Variants in EIF2S3 observed in about 807,000 individuals in gnomAD.
EIF2S3 encodes eukaryotic translation initiation factor 2 subunit 3.
EIF2S3 carries 2 observed loss-of-function variants against 31.7 expected under a neutral mutation model. That is an observed-to-expected ratio of 0.06 (90% CI 0.03 to 0.20). EIF2S3 has a LOEUF of 0.20. Ranked by LOEUF, EIF2S3 falls within the 10% of genes least tolerant of loss-of-function variation. The pLI is 1.00. For synonymous variants in EIF2S3, 120 were observed against 126.7 expected (o/e 0.95, Z 0.36); for missense variants, 96 against 359.3 (o/e 0.27, Z 5.92).
At chrX:24,064,724 G>A (rs1383957557) in intron 7 of EIF2S3, among the ~76,000 whole-genome samples, 1 of 111,552 alleles carries the variant, frequency 9.0e-6, no homozygotes, top group Non-Finnish European at 1.9e-5. Flanking sequence ...AGCTACTCGG[G>A]AGGCTGAGGC....
rs919176376 is a variant in EIF2S3, at chrX:24,073,117, G to C, written c.1209G>C (p.Val403=). Residue 403 remains valine, a synonymous_variant, in exon 11 of 12, where the codon GTG becomes GTC. Transcript: ENST00000253039. Reference sequence around the variant, plus strand: ...TTCAAAAGCTGTCTAAGAATGAAGTGCTCATGGTGAACATAGGATCCCTGT... The same window carrying C: ...TTCAAAAGCTGTCTAAGAATGAAGTCCTCATGGTGAACATAGGATCCCTGT... The part of the protein sequence containing the change: ...AKVQKLSKNE[V]LMVNIGSLST... The C allele has an allele frequency of 2.5e-6, 3 of 1,208,683 alleles. No individual in the cohort carries two copies. The highest frequency in any genetic ancestry group is 3.4e-6 in the Non-Finnish European group (3 of 894,860).
At chrX:24,063,052 T>C (rs1366884496) in intron 6 of EIF2S3, among the ~76,000 whole-genome samples, 1 of 111,233 alleles carries the variant, frequency 9.0e-6, no homozygotes, top group Non-Finnish European at 1.9e-5. Context: ...GAGACCAGCC[T>C]GACCAACACG....
rs939700278 is a variant in EIF2S3 at position 24,055,606 on chromosome X, T to G, written c.70-9T>G. On this transcript the variant is annotated splice_polypyrimidine_tract_variant and intron_variant, in intron 1 of 11. Coordinates refer to ENST00000253039, the MANE Select transcript of EIF2S3 (RefSeq NM_001415.4). ...TACGTGCAGTGTTTTAAAATATATT[T>G]CATTGCAGGATGTTACCAAGTTGAC... 18 of 1,207,728 alleles carry G rather than the reference T, an allele frequency of 1.5e-5. No individual in the cohort carries two copies. The highest frequency in any genetic ancestry group is 1.9e-5 in the Non-Finnish European group (17 of 893,124).
chrX:24,068,316 A>T lies in EIF2S3; in HGVS notation c.1012+208A>T, dbSNP rs1433218254. ...TAAAAATTATTTTTAAACACAAAGG[A>T]TACATTTTGATCAAATATAGAGTAA... On this transcript the variant is annotated intron_variant, in intron 9 of 11. Transcript: ENST00000253039. Among the ~76,000 whole-genome samples the T allele has an allele frequency of 2.7e-5, 3 of 112,279 alleles. No homozygotes were observed. In the East Asian group the frequency reaches 8.3e-4, roughly 31 times the overall value.
rs189562663 is a variant in EIF2S3, at chrX:24,073,222, A to G, written c.1314A>G (p.Gly438=). The change falls in exon 11 of 12, where the codon GGA becomes GGG. Residue 438 remains glycine, a synonymous_variant. Transcript: ENST00000253039. The part of the protein sequence containing the change: ...VLTNPVCTEV[G]EKIALSRRVE... Reference sequence around the variant, plus strand: ...CCAATCCAGTGTGCACAGAGGTAGGAGAAAAAATTGCCCTTAGCCGAAGAG... The same window carrying G: ...CCAATCCAGTGTGCACAGAGGTAGGGGAAAAAATTGCCCTTAGCCGAAGAG... The G allele has an allele frequency of 1.0e-4, 127 of 1,209,631 alleles. No homozygotes were observed. In the Admixed American group the frequency reaches 2.7e-3, roughly 26 times the overall value.
chrX:24,075,984 A>T (rs764753789), intron 11 of EIF2S3, among the ~76,000 whole-genome samples: 2 of 111,094 alleles, frequency 1.8e-5, no homozygotes, highest in East Asian at 5.7e-4. Context: ...GATTACAGAC[A>T]TGAGCCACCC....
At chrX:24,064,418 T>G (rs1262486264) in intron 7 of EIF2S3, 83 bp downstream of exon 7, 3 of 1,049,306 alleles carry the variant, frequency 2.9e-6, no homozygotes, top group Non-Finnish European at 3.8e-6. Flanking sequence ...TATTAATATT[T>G]CCTCTTTCTG....
intron 5 of EIF2S3, 69 bp downstream of exon 5, chrX:24,060,251 A>T (rs1930470002): frequency 2.2e-6 from 2 of 928,545 alleles, no homozygotes; most frequent in Non-Finnish European, 3.1e-6. Context: ...TTTAAAGGGG[A>T]ACTAAGGCCT....
At chrX:24,076,614 A>C in intron 11 of EIF2S3, 108 bp from the exon 12 acceptor site, 2 of 739,783 alleles carry the variant, frequency 2.7e-6, no homozygotes, top group Non-Finnish European at 4.1e-6. Context: ...GGCTTTGGGA[A>C]CAAATTTGAA....
Position 24,067,949 on chromosome X carries a change from A to G in EIF2S3, c.868-15A>G. On this transcript the variant is annotated splice_polypyrimidine_tract_variant and intron_variant, in intron 8 of 11. Transcript: ENST00000253039. ...CGTAACACAGTAATTCTAATTACTA[A>G]TTATATGTTTACAGGTGGGCCAGGA... 8.5e-7 allele frequency: 1 copy of G among 1,173,992 alleles called. No homozygotes were observed. Among genetic ancestry groups the G allele is most frequent in the South Asian group, 1.9e-5 (1 of 51,445 alleles).
intron 2 of EIF2S3, among the ~76,000 whole-genome samples, chrX:24,057,103 T>C (rs1305938934): frequency 8.9e-6 from 1 of 112,718 alleles, no homozygotes. Flanking sequence ...CGATCTCGGC[T>C]CACTGCAGCC....
chrX:24,076,926 C>CTTTTTTTTT lies in EIF2S3; in HGVS notation c.*154_*162dup, dbSNP rs879230822. On this transcript the variant is annotated 3_prime_UTR_variant, in exon 12 of 12. Coordinates refer to ENST00000253039, the MANE Select transcript of EIF2S3 (RefSeq NM_001415.4). ...TAGTAGGTAACGGTAAGGTTATTCT[C>CTTTTTTTTT]TTTTTTTTTTTTTTTTTTTTTGGTT... is the stretch of plus-strand genomic sequence containing the variant. 78 of 179,947 alleles carry CTTTTTTTTT rather than the reference C, an allele frequency of 4.3e-4. 2 individuals are homozygous for CTTTTTTTTT. Among genetic ancestry groups the CTTTTTTTTT allele is most frequent in the African/African-American group, 4.0e-3 (74 of 18,580 alleles). 14.8% of individuals were successfully genotyped at this position (179,947 alleles called of 1,213,427 possible). A position where few individuals can be genotyped will look rare whatever the true frequency, so the allele number is the denominator to read the frequency against.
intron 2 of EIF2S3, among the ~76,000 whole-genome samples, chrX:24,056,709 A>G (rs752613233): frequency 9.0e-6 from 1 of 111,123 alleles, no homozygotes; most frequent in South Asian, 3.8e-4. Context: ...AATACAAAAA[A>G]TTAGCTGTGC....
intron 6 of EIF2S3, 48 bp downstream of exon 6, chrX:24,062,622 A>G (rs1198455789): frequency 2.6e-6 from 3 of 1,140,869 alleles, no homozygotes; most frequent in Non-Finnish European, 2.4e-6. Context: ...TTTGAGAGGC[A>G]TTTACTCTGG....
At chrX:24,055,413 A>G (rs757275739) in intron 1 of EIF2S3, among the ~76,000 whole-genome samples, 42 of 111,261 alleles carry the variant, frequency 3.8e-4, no homozygotes, top group Non-Finnish European at 7.0e-4. Context: ...AGTTGAGTGG[A>G]GGTGTAGTCT....
chrX:24,076,926 CT>C lies in EIF2S3; in HGVS notation c.*162del, dbSNP rs879230822. On this transcript the variant is annotated 3_prime_UTR_variant, in exon 12 of 12. Transcript: ENST00000253039. ...TAGTAGGTAACGGTAAGGTTATTCTCTTTTTTTTTTTTTTTTTTTTTGGTTA... is the reference window on the plus strand; with the variant it reads ...TAGTAGGTAACGGTAAGGTTATTCTCTTTTTTTTTTTTTTTTTTTTGGTTA... 21,434 of 171,381 alleles carry C rather than the reference CT, an allele frequency of 0.13. 1,023 individuals are homozygous for C. Among genetic ancestry groups the C allele is most frequent in the East Asian group, 0.24 (2,571 of 10,536 alleles). The allele number at this position is 171,381 out of a possible 1,213,427, so 14.1% of individuals were successfully genotyped here.
At chrX:24,064,682 A>G (rs1393171509) in intron 7 of EIF2S3, among the ~76,000 whole-genome samples, 1 of 111,837 alleles carries the variant, frequency 8.9e-6, no homozygotes, top group Non-Finnish European at 1.9e-5. Flanking sequence ...ATAAAAAATT[A>G]ACTGGGCATG....
At chrX:24,067,491 ATCT>A (rs1930595543) in intron 8 of EIF2S3, among the ~76,000 whole-genome samples, 1 of 53,190 alleles carries the variant, frequency 1.9e-5, no homozygotes, top group Admixed American at 2.5e-4. Context: ...TCTCGTTCAC[ATCT>A]TTTTTTTTTT....
intron 11 of EIF2S3, 99 bp from the exon 12 acceptor site, chrX:24,076,623 A>T: frequency 1.2e-6 from 1 of 831,449 alleles, no homozygotes; most frequent in Non-Finnish European, 1.8e-6. Context: ...AACAAATTTG[A>T]ATTCAGAAGA....
Sources: allele counts gnomAD v4.1 joint callset (sites outside exome capture counted in the v4.1 genomes callset), GRCh38; gene constraint gnomAD v4.1.1; transcripts MANE v1.5; gene names NCBI Gene and HGNC (gene_info 2026-07-23, HGNC 2026-07-21).